The following ARHGAP28 variants were observed in gnomAD, a reference collection of about 807,000 sequenced individuals.
The protein encoded by ARHGAP28 is Rho GTPase activating protein 28.
In ARHGAP28, 56 loss-of-function variants were observed where a neutral mutation model predicts 90.7. The observed-to-expected ratio is 0.62, with a 90% CI of 0.50 to 0.77. The LOEUF (loss-of-function observed/expected upper bound fraction) is 0.77. Among genes scored for constraint, ARHGAP28 ranks in the 30% least tolerant of loss-of-function variants. The pLI is 0.00. For missense variants in ARHGAP28, 869 were observed against 900.9 expected, an observed-to-expected ratio of 0.96 and a Z score of 0.45; for synonymous variants, 308 against 323.3, an observed-to-expected ratio of 0.95 and a Z score of 0.51.
chr18:6,880,779 C>T (rs1317725955), intron 10 of ARHGAP28, among the ~76,000 whole-genome samples: 3 of 152,196 alleles, frequency 2.0e-5, no homozygotes, highest in Non-Finnish European at 4.4e-5. Context: ...AGCACCAATA[C>T]ATGACTTTTC....
At chr18:6,862,334 A>C (rs1350023091) in intron 5 of ARHGAP28, among the ~76,000 whole-genome samples, 1 of 152,152 alleles carries the variant, frequency 6.6e-6, no homozygotes, top group African/African-American at 2.4e-5. Flanking sequence ...GCCAGGCTAA[A>C]TTCCCGGGGC....
chr18:6,802,944 T>C (rs1268011517), intron 1 of ARHGAP28, among the ~76,000 whole-genome samples: 1 of 152,178 alleles, frequency 6.6e-6, no homozygotes, highest in Non-Finnish European at 1.5e-5. Context: ...TACTCATGTA[T>C]CATAACTTTG....
intron 1 of ARHGAP28, among the ~76,000 whole-genome samples, chr18:6,744,806 T>C (rs1053186437): frequency 2.0e-5 from 3 of 152,188 alleles, no homozygotes; most frequent in Non-Finnish European, 4.4e-5. Context: ...GGCAACTTAA[T>C]TAATAGGAAT....
At chr18:6,736,344 T>G (rs1442451396) in intron 1 of ARHGAP28, among the ~76,000 whole-genome samples, 1 of 152,168 alleles carries the variant, frequency 6.6e-6, no homozygotes, top group Non-Finnish European at 1.5e-5. Flanking sequence ...AAAAAATGTT[T>G]TAATTTTACC....
intron 1 of ARHGAP28, among the ~76,000 whole-genome samples, chr18:6,740,620 A>C (rs1401931709): frequency 9.9e-5 from 15 of 152,192 alleles, no homozygotes; most frequent in Admixed American, 9.8e-4. Context: ...CACCAGAACT[A>C]TAGAGATAGG....
chr18:6,828,281 A>G (rs1388548910), intron 2 of ARHGAP28, among the ~76,000 whole-genome samples: 2 of 152,180 alleles, frequency 1.3e-5, no homozygotes, highest in African/African-American at 2.4e-5. Flanking sequence ...GGGAGGTTGC[A>G]GTGAGCCGAG....
At chr18:6,784,045 C>T (rs964722512) in intron 1 of ARHGAP28, among the ~76,000 whole-genome samples, 52 of 152,232 alleles carry the variant, frequency 3.4e-4, no homozygotes, top group African/African-American at 1.2e-3. Flanking sequence ...CAGGCAGACT[C>T]TTATTAAAAC....
chr18:6,906,084 A>C (rs527298083), intron 16 of ARHGAP28, among the ~76,000 whole-genome samples: 88 of 152,268 alleles, frequency 5.8e-4, no homozygotes, highest in Non-Finnish European at 8.7e-4. Flanking sequence ...AATAACTAAA[A>C]TATATTGAAA....
chr18:6,864,025 C>T (rs999607497), intron 5 of ARHGAP28, among the ~76,000 whole-genome samples: 10 of 149,806 alleles, frequency 6.7e-5, no homozygotes, highest in African/African-American at 2.4e-4. Flanking sequence ...CCTCAGGTGG[C>T]GTGAGCCACC....
intron 1 of ARHGAP28, among the ~76,000 whole-genome samples, chr18:6,736,122 T>C (rs1011054358): frequency 1.3e-5 from 2 of 152,330 alleles, no homozygotes; most frequent in Non-Finnish European, 1.5e-5. Context: ...ATCTTGTCAC[T>C]ACAATTCACT....
At chr18:6,775,164 T>TTTGTTC (rs1302710979) in intron 1 of ARHGAP28, among the ~76,000 whole-genome samples, 1 of 152,192 alleles carries the variant, frequency 6.6e-6, no homozygotes, top group Non-Finnish European at 1.5e-5. Flanking sequence ...CTATTTCATT[T>TTTGTTC]TTGTTCTTGT....
intron 1 of ARHGAP28, among the ~76,000 whole-genome samples, chr18:6,818,449 C>T (rs1276686329): frequency 1.3e-5 from 2 of 152,140 alleles, no homozygotes; most frequent in African/African-American, 4.8e-5. Context: ...GCGTTGTTTT[C>T]CTTTGCCACA....
chr18:6,736,314 T>C (rs1247419852), intron 1 of ARHGAP28, among the ~76,000 whole-genome samples: 1 of 152,154 alleles, frequency 6.6e-6, no homozygotes, highest in Non-Finnish European at 1.5e-5. Flanking sequence ...TTTTTTTTTT[T>C]CAGTTTTGAC....
intron 5 of ARHGAP28, 84 bp downstream of exon 5, chr18:6,859,981 A>G (rs956505814): frequency 1.7e-6 from 2 of 1,199,258 alleles, no homozygotes; most frequent in African/African-American, 3.0e-5. Flanking sequence ...AGAAGAAGCA[A>G]TTCTTTAAAA....
intron 2 of ARHGAP28, among the ~76,000 whole-genome samples, chr18:6,830,893 T>A (rs1408058928): frequency 6.6e-6 from 1 of 152,374 alleles, no homozygotes; most frequent in East Asian, 1.9e-4. Flanking sequence ...TTACAATGAA[T>A]AATGCTGTTA....
chr18:6,813,099 T>G (rs1600208550), intron 1 of ARHGAP28, among the ~76,000 whole-genome samples: 1 of 152,206 alleles, frequency 6.6e-6, no homozygotes, highest in Non-Finnish European at 1.5e-5. Context: ...TTATCATATT[T>G]TAACTTGGCT....
intron 1 of ARHGAP28, among the ~76,000 whole-genome samples, chr18:6,743,054 TAAG>T (rs1262278481): frequency 6.6e-6 from 1 of 151,958 alleles, no homozygotes; most frequent in African/African-American, 2.4e-5. Flanking sequence ...GATGATGAGA[TAAG>T]AAAATACAGG....
chr18:6,752,400 G>C (rs528083508), intron 1 of ARHGAP28, among the ~76,000 whole-genome samples: 1 of 152,268 alleles, frequency 6.6e-6, no homozygotes, highest in South Asian at 2.1e-4. Context: ...AGACCTTCCT[G>C]CCTGTTCTGA....
intron 11 of ARHGAP28, among the ~76,000 whole-genome samples, chr18:6,886,192 A>T (rs1435195898): frequency 6.6e-6 from 1 of 152,176 alleles, no homozygotes; most frequent in African/African-American, 2.4e-5. Flanking sequence ...CCAGCAGCTG[A>T]CTGCCTTCCA....
Sources: gnomAD v4.1 joint callset for allele counts (sites outside exome capture counted in the v4.1 genomes callset) on GRCh38, gnomAD v4.1.1 for gene constraint, MANE v1.5 for transcripts, NCBI Gene and HGNC (gene_info 2026-07-23, HGNC 2026-07-21) for gene names.